Variants in TRPS1 observed in about 807,000 individuals in gnomAD.
TRPS1 encodes transcriptional repressor GATA binding 1.
In TRPS1, 6 loss-of-function variants were observed where a neutral mutation model predicts 101.2. That is an observed-to-expected ratio of 0.06 (90% CI 0.03 to 0.12). The LOEUF (loss-of-function observed/expected upper bound fraction) is 0.12, where lower values mean the gene tolerates loss of function less well. Ranked by LOEUF, TRPS1 falls within the 10% of genes least tolerant of loss-of-function variation. TRPS1 has a pLI of 1.00. For missense variants in TRPS1, 1,363 were observed against 1,567.0 expected, an observed-to-expected ratio of 0.87 and a Z score of 2.20; for synonymous variants, 578 against 589.8, an observed-to-expected ratio of 0.98 and a Z score of 0.29.
At chr8:115,490,402 A>T (rs1814992354) in intron 5 of TRPS1, among the ~76,000 whole-genome samples, 1 of 152,170 alleles carries the variant, frequency 6.6e-6, no homozygotes, top group Admixed American at 6.5e-5. Flanking sequence ...CACACCTTAA[A>T]ATCCATACAC....
At chr8:115,428,191 A>T (rs1434436002) in intron 5 of TRPS1, among the ~76,000 whole-genome samples, 1 of 152,198 alleles carries the variant, frequency 6.6e-6, no homozygotes, top group Non-Finnish European at 1.5e-5. Context: ...TTTATTCAAG[A>T]TAAATTACTG....
intron 5 of TRPS1, among the ~76,000 whole-genome samples, chr8:115,578,960 G>T (rs887248935): frequency 1.3e-5 from 2 of 152,046 alleles, no homozygotes; most frequent in African/African-American, 4.8e-5. Flanking sequence ...ACCAAAAGAG[G>T]CTATGCAATG....
chr8:115,633,713 T>C (rs1818702312), intron 1 of TRPS1, among the ~76,000 whole-genome samples: 1 of 152,158 alleles, frequency 6.6e-6, no homozygotes, highest in Non-Finnish European at 1.5e-5. Flanking sequence ...AGAGGATTCA[T>C]GTATCTAAAA....
chr8:115,488,640 A>G (rs940133816), intron 5 of TRPS1, among the ~76,000 whole-genome samples: 2 of 152,110 alleles, frequency 1.3e-5, no homozygotes, highest in African/African-American at 4.8e-5. Context: ...GCACCACTGC[A>G]CTCCAGCCTC....
At chr8:115,465,399 G>A (rs561263561) in intron 5 of TRPS1, among the ~76,000 whole-genome samples, 2 of 152,002 alleles carry the variant, frequency 1.3e-5, no homozygotes, top group South Asian at 4.2e-4. Flanking sequence ...TTGGCCAACA[G>A]GAAACATCAA....
In TRPS1 at chr8:115,619,188, G is replaced by T. The variant is rs989268664; in HGVS notation, c.910C>A (p.Leu304Met). 6.2e-7 allele frequency: 1 copy of T among 1,614,164 alleles called. No homozygotes were observed. The highest frequency in any genetic ancestry group is 1.3e-5 in the African/African-American group (1 of 75,036). ...GGCCTTGAAGAATTGATGTCCTGCAGCACACCAGAAAACACAGAACGGTTG... is the reference window on the plus strand; with the variant it reads ...GGCCTTGAAGAATTGATGTCCTGCATCACACCAGAAAACACAGAACGGTTG... ...KVNRSVFSGV[L>M]QDINSSRPVL... The change falls in exon 3 of 7, where the codon CTG (leucine) becomes ATG (methionine). Residue 304 changes from leucine (L) to methionine (M), a missense_variant. Leu to Met is a conservative substitution (Grantham distance 15, BLOSUM62 2). Coordinates refer to ENST00000395715, the MANE Select transcript of TRPS1 (RefSeq NM_014112.5).
intron 1 of TRPS1, among the ~76,000 whole-genome samples, chr8:115,641,907 A>G (rs1818907165): frequency 6.7e-6 from 1 of 149,534 alleles, no homozygotes; most frequent in Non-Finnish European, 1.5e-5. Flanking sequence ...AAACAAAACA[A>G]AACTCCATTT....
chr8:115,640,952 A>G (rs1188410321), intron 1 of TRPS1, among the ~76,000 whole-genome samples: 1 of 152,166 alleles, frequency 6.6e-6, no homozygotes, highest in African/African-American at 2.4e-5. Context: ...GTCGGAAGCA[A>G]TTCAATTGCT....
At chr8:115,438,227 T>C (rs1813505367) in intron 5 of TRPS1, among the ~76,000 whole-genome samples, 1 of 152,242 alleles carries the variant, frequency 6.6e-6, no homozygotes, top group African/African-American at 2.4e-5. Context: ...CTGTAATTCA[T>C]GTATTCTTTC....
chr8:115,548,182 C>T (rs996118176), intron 5 of TRPS1, among the ~76,000 whole-genome samples: 2 of 151,906 alleles, frequency 1.3e-5, no homozygotes, highest in Non-Finnish European at 2.9e-5. Flanking sequence ...TGCAGTGAGC[C>T]ATGATTGCAC....
Position 115,587,471 on chromosome 8 carries a change from G to T in TRPS1, c.2230C>A (p.His744Asn). The T allele has an allele frequency of 6.2e-7, 1 of 1,614,122 alleles. No individual in the cohort carries two copies. Among genetic ancestry groups the T allele is most frequent in the South Asian group, 1.1e-5 (1 of 91,052 alleles). Reference protein sequence around the residue: ...ITTANGEEDGHAISTIKEEPK... With the variant: ...ITTANGEEDGNAISTIKEEPK... ...TCCTCTTTGATGGTGGATATGGCATGACCGTCCTCTTCGCCGTTGGCTGTA... is the reference window on the plus strand; with the variant it reads ...TCCTCTTTGATGGTGGATATGGCATTACCGTCCTCTTCGCCGTTGGCTGTA... Residue 744 changes from histidine to asparagine, a missense_variant, in exon 5 of 7, where the codon CAT becomes AAT. Physicochemically the swap from His to Asn is moderately conservative, Grantham distance 68. Transcript: ENST00000395715.
chr8:115,472,205 G>A (rs925754268), intron 5 of TRPS1, among the ~76,000 whole-genome samples: 2 of 152,208 alleles, frequency 1.3e-5, no homozygotes, highest in African/African-American at 4.8e-5. Context: ...GAACATCCAT[G>A]CATTTCCACA....
At chr8:115,560,916 C>T (rs1270655497) in intron 5 of TRPS1, among the ~76,000 whole-genome samples, 1 of 152,112 alleles carries the variant, frequency 6.6e-6, no homozygotes, top group East Asian at 1.9e-4. Context: ...CAATAAAAGT[C>T]TAACTCTGCT....
intron 4 of TRPS1, among the ~76,000 whole-genome samples, chr8:115,595,521 G>A (rs1817766494): frequency 6.6e-6 from 1 of 151,914 alleles, no homozygotes; most frequent in African/African-American, 2.4e-5. Context: ...GATTTGCTCA[G>A]TAATAGTAAC....
chr8:115,488,669 G>A (rs539147697), intron 5 of TRPS1, among the ~76,000 whole-genome samples: 3 of 152,082 alleles, frequency 2.0e-5, no homozygotes, highest in South Asian at 2.1e-4. Context: ...GTGAGATTCC[G>A]TCAAAAACAA....
intron 5 of TRPS1, among the ~76,000 whole-genome samples, chr8:115,446,746 G>C (rs1244050558): frequency 2.0e-5 from 3 of 152,046 alleles, no homozygotes; most frequent in African/African-American, 7.2e-5. Context: ...AAAAGTTATG[G>C]GGATTACAAA....
chr8:115,630,391 T>C (rs1172944931), intron 1 of TRPS1, among the ~76,000 whole-genome samples: 4 of 151,728 alleles, frequency 2.6e-5, no homozygotes, highest in South Asian at 2.1e-4. Context: ...ACACACACCT[T>C]TAGAAAAGAT....
chr8:115,667,813 G>A (rs1811959006), intron 1 of TRPS1: 21 of 1,532,888 alleles, frequency 1.4e-5, no homozygotes, highest in Non-Finnish European at 1.8e-5. Flanking sequence ...TCCCACTTTG[G>A]AGACCATACG....
At chr8:115,420,750 C>T (rs747703028) in intron 5 of TRPS1, among the ~76,000 whole-genome samples, 2 of 152,216 alleles carry the variant, frequency 1.3e-5, no homozygotes, top group East Asian at 1.9e-4. Flanking sequence ...AGCACTTAGA[C>T]TCCAATATAG....
Sources: allele counts gnomAD v4.1 joint callset (sites outside exome capture counted in the v4.1 genomes callset), GRCh38; gene constraint gnomAD v4.1.1; transcripts MANE v1.5; gene names NCBI Gene and HGNC (gene_info 2026-07-23, HGNC 2026-07-21).